Variants in UBN1 observed in about 807,000 individuals in gnomAD.
UBN1 encodes the protein ubinuclein 1.
A neutral mutation model predicts 108.5 loss-of-function variants in UBN1; 17 were observed. The observed-to-expected ratio is 0.16, with a 90% confidence interval of 0.11 to 0.24. The LOEUF is 0.24. Ranked by LOEUF, UBN1 falls within the 10% of genes least tolerant of loss-of-function variation. UBN1 has a pLI of 1.00. For synonymous variants in UBN1, 726 were observed against 564.2 expected (o/e 1.29, Z -4.07); for missense variants, 1,595 against 1,394.4 (o/e 1.14, Z -2.29).
chr16:4,874,121 G>A (rs904903895), intron 14 of UBN1, 90 bp from the exon 15 acceptor site: 2 of 1,460,430 alleles, frequency 1.4e-6, no homozygotes, highest in Non-Finnish European at 1.8e-6. Context: ...CAGTTTTTTT[G>A]ACTCGAGTTC....
chr16:4,860,050 A>G, intron 6 of UBN1, 82 bp downstream of exon 6: 1 of 1,564,770 alleles, frequency 6.4e-7, no homozygotes, highest in Non-Finnish European at 8.7e-7. Flanking sequence ...CCTCCTCCCC[A>G]CAGCTTCGGA....
intron 7 of UBN1, among the ~76,000 whole-genome samples, chr16:4,865,733 G>C (rs931327608): frequency 6.6e-6 from 1 of 152,112 alleles, no homozygotes; most frequent in African/African-American, 2.4e-5. Context: ...GGCTGAGGCG[G>C]GCGGATCACT....
intron 7 of UBN1, among the ~76,000 whole-genome samples, chr16:4,866,497 C>G (rs978845187): frequency 7.2e-5 from 11 of 152,022 alleles, no homozygotes; most frequent in African/African-American, 2.4e-4. Flanking sequence ...ATGAATAAGA[C>G]TCAGTTCTAT....
intron 2 of UBN1, among the ~76,000 whole-genome samples, chr16:4,853,637 A>C (rs1049695583): frequency 2.7e-5 from 4 of 149,882 alleles, no homozygotes; most frequent in Non-Finnish European, 4.4e-5. Flanking sequence ...GGCTCACTGT[A>C]ACCTCCGCCT....
intron 7 of UBN1, among the ~76,000 whole-genome samples, chr16:4,863,957 T>G (rs916437610): frequency 6.6e-6 from 1 of 152,068 alleles, no homozygotes; most frequent in African/African-American, 2.4e-5. Context: ...ACACTTTTGG[T>G]CAGAGCAAAT....
intron 7 of UBN1, among the ~76,000 whole-genome samples, chr16:4,861,557 G>A (rs766006146): frequency 2.0e-5 from 3 of 152,250 alleles, no homozygotes; most frequent in African/African-American, 4.8e-5. Context: ...CCCTTGCGTT[G>A]TGTATCCAGT....
At position 4,874,458 on chromosome 16, in the gene UBN1, T is replaced by G; in HGVS notation, c.2048T>G (p.Leu683Trp). ...GCCGTGTCCAAGGAATTGGCTGCAT[T>G]GAATAGCAGAGCAGCTGGGAACTCT... is the stretch of plus-strand genomic sequence containing the variant. ...VEAVSKELAA[L>W]NSRAAGNSEF... Residue 683 changes from leucine to tryptophan, a missense_variant, in exon 15 of 18, where the codon TTG (leucine) becomes TGG (tryptophan). Physicochemically the swap from Leu to Trp is moderately conservative, Grantham distance 61. Transcript: ENST00000262376. The G allele has an allele frequency of 4.3e-6, 7 of 1,614,192 alleles. No individual in the cohort carries two copies. The highest frequency in any genetic ancestry group is 5.1e-6 in the Non-Finnish European group (6 of 1,180,034).
Position 4,852,830 on chromosome 16 carries a change from C to T in UBN1, c.-39-49C>T, listed in dbSNP as rs2086621243. ...AAATCTCTTTAATTAGGCAGGTAAA[C>T]TATTTTATCATCTTCGTTTGACCTG... On this transcript the variant is annotated intron_variant, in intron 1 of 17. Coordinates refer to ENST00000262376, the MANE Select transcript of UBN1 (RefSeq NM_001079514.3). 1.8e-5 allele frequency: 26 copies of T among 1,474,190 alleles called. No individual in the cohort carries two copies. The South Asian group carries it at 3.5e-4, about 20-fold the overall frequency. The allele number at this position is 1,474,190 out of a possible 1,614,324, so 91.3% of individuals were successfully genotyped here.
intron 7 of UBN1, among the ~76,000 whole-genome samples, chr16:4,865,819 G>C (rs188737694): frequency 6.6e-6 from 1 of 151,936 alleles, no homozygotes; most frequent in African/African-American, 2.4e-5. Context: ...AAAATTAGCC[G>C]AACATGGGGG....
rs550373799 is a variant in UBN1, at chr16:4,877,637, G to A, written c.3355+163G>A. On this transcript the variant is annotated intron_variant, in intron 17 of 17. Coordinates refer to ENST00000262376, the MANE Select transcript of UBN1 (RefSeq NM_001079514.3). The surrounding 1 kb of genome is among the most constrained non-coding windows in gnomAD (Gnocchi z 4.3). Reference sequence around the variant, plus strand: ...GCTTTGTCAGTACTCAGGGTGACACGCACTTCTACTCTTGGGGTTTCCTCT... The same window carrying A: ...GCTTTGTCAGTACTCAGGGTGACACACACTTCTACTCTTGGGGTTTCCTCT... 4 of 1,348,634 alleles carry A rather than the reference G, an allele frequency of 3.0e-6. No homozygotes were observed. The highest frequency in any genetic ancestry group is 1.9e-5 in the South Asian group (1 of 53,534). The allele number at this position is 1,348,634 out of a possible 1,614,324, so 83.5% of individuals were successfully genotyped here.
chr16:4,879,483 G>A (rs561003267), intron 17 of UBN1, among the ~76,000 whole-genome samples: 6 of 151,244 alleles, frequency 4.0e-5, no homozygotes, highest in Non-Finnish European at 7.4e-5. Flanking sequence ...TTAAAAGTTC[G>A]AGGAAAAAGA....
chr16:4,878,976 C>T (rs2087998382), intron 17 of UBN1, among the ~76,000 whole-genome samples: 1 of 152,168 alleles, frequency 6.6e-6, no homozygotes, highest in Non-Finnish European at 1.5e-5. Flanking sequence ...CATGCTACTG[C>T]ACTCCAGCCT....
intron 2 of UBN1, among the ~76,000 whole-genome samples, chr16:4,853,505 C>G (rs552017706): frequency 6.6e-6 from 1 of 151,442 alleles, no homozygotes; most frequent in African/African-American, 2.4e-5. Context: ...ATCTTGCTGT[C>G]TACCTAGTAT....
chr16:4,849,643 G>A (rs886680164), intron 1 of UBN1, among the ~76,000 whole-genome samples: 2 of 151,500 alleles, frequency 1.3e-5, no homozygotes, highest in Non-Finnish European at 2.9e-5. Flanking sequence ...CCAGGCTGGA[G>A]TGCAGTGGCA....
intron 2 of UBN1, among the ~76,000 whole-genome samples, chr16:4,854,409 T>A (rs1266155724): frequency 6.6e-6 from 1 of 151,104 alleles, no homozygotes; most frequent in Admixed American, 6.6e-5. Flanking sequence ...GGTGATGCAA[T>A]CTTGGCTCAC....
chr16:4,864,448 C>G (rs1291652274), intron 7 of UBN1, among the ~76,000 whole-genome samples: 1 of 152,140 alleles, frequency 6.6e-6, no homozygotes, highest in East Asian at 1.9e-4. Flanking sequence ...TTGGTGATGC[C>G]TCTGCCACGT....
chr16:4,854,362 G>C (rs1293222544), intron 2 of UBN1, among the ~76,000 whole-genome samples: 1 of 139,454 alleles, frequency 7.2e-6, no homozygotes, highest in Non-Finnish European at 1.5e-5. Flanking sequence ...GTTGTTTTTT[G>C]AGACCAAGTC....
At chr16:4,876,725 G>A (rs2660226) in intron 15 of UBN1, 146 bp from the exon 16 acceptor site, 173,381 of 1,254,380 alleles carry the variant, frequency 0.14, 13,123 homozygotes, top group Admixed American at 0.22. Flanking sequence ...TGCAGGGTCG[G>A]AGGGTGCCTC....
Position 4,852,807 on chromosome 16 carries a change from AT to A in UBN1, c.-39-71del, listed in dbSNP as rs1304900325. The A allele has an allele frequency of 6.6e-6, 9 of 1,367,826 alleles. No homozygotes were observed. The African/African-American group carries it at 1.3e-4, about 20-fold the overall frequency. The allele number at this position is 1,367,826 out of a possible 1,614,324, so 84.7% of individuals were successfully genotyped here. A position where few individuals can be genotyped will look rare whatever the true frequency, so the allele number is the denominator to read the frequency against. On this transcript the variant is annotated intron_variant, in intron 1 of 17. Transcript: ENST00000262376. The stretch of plus-strand genomic sequence containing the variant: ...GACAATGAAATTCTCTTAAACTTAA[AT>A]CTCTTTAATTAGGCAGGTAAACTAT...
Sources: allele counts gnomAD v4.1 joint callset (sites outside exome capture counted in the v4.1 genomes callset), GRCh38; gene constraint gnomAD v4.1.1; non-coding constraint Gnocchi (gnomAD v3.1); transcripts MANE v1.5; gene names NCBI Gene and HGNC (gene_info 2026-07-23, HGNC 2026-07-21).